Variants in TP53BP1 observed in about 807,000 individuals in gnomAD.
TP53BP1 encodes the protein tumor protein p53 binding protein 1.
A neutral mutation model predicts 200.8 loss-of-function variants in TP53BP1; 61 were observed. The ratio of observed to expected loss-of-function variants is 0.30; its 90% CI spans 0.25 to 0.38. The LOEUF is 0.38. Among genes scored for constraint, TP53BP1 ranks in the 10% least tolerant of loss-of-function variants. TP53BP1 has a pLI of 1.00. For synonymous variants in TP53BP1, 822 were observed against 844.3 expected (o/e 0.97, Z 0.46); for missense variants, 2,144 against 2,371.9 (o/e 0.90, Z 2.00).
rs1178638284 is a variant in TP53BP1 at position 43,455,978 on chromosome 15, G to A, written c.2630C>T (p.Ala877Val). The change falls in exon 12 of 28, where the codon GCA (alanine) becomes GTA (valine). Residue 877 changes from alanine (A) to valine (V), a missense_variant. By Grantham distance (64) the Ala-to-Val change is moderately conservative. This residue lies in a region of TP53BP1 where 1,700 missense variants were observed against 1,710.3 expected (regional missense o/e 0.99). Coordinates refer to ENST00000382044, the MANE Select transcript of TP53BP1 (RefSeq NM_001141980.3). The part of the protein sequence containing the change: ...SLTEDSKMAN[A>V]KQLSSDAEAQ... The stretch of plus-strand genomic sequence containing the variant: ...CTCTGCATCTGAGCTTAGCTGCTTT[G>A]CATTAGCCATTTTTGAGTCTTCTGT... 6.2e-7 allele frequency: 1 copy of A among 1,614,046 alleles called. No individual in the cohort carries two copies. Among genetic ancestry groups the A allele is most frequent in the African/African-American group, 1.3e-5 (1 of 74,932 alleles).
In TP53BP1 at chr15:43,480,673, G is replaced by A. The variant is rs551276058; in HGVS notation, c.499+222C>T. 8.5e-5 allele frequency among the ~76,000 whole-genome samples: 13 copies of A among 152,108 alleles called. No homozygotes were observed. In the East Asian group the frequency reaches 2.5e-3, roughly 29 times the overall value. ...ATTTGAAAAACAAATGAATACAAGA[G>A]GAAGAAAACTCAATATGCAGAAAGG... On this transcript the variant is annotated intron_variant, in intron 5 of 27. Coordinates refer to ENST00000382044, the MANE Select transcript of TP53BP1 (RefSeq NM_001141980.3).
Position 43,408,071 on chromosome 15 carries a change from G to GGAT in TP53BP1, c.5615_5617dup (p.Asn1872_Pro1873insHis), listed in dbSNP as rs1566911167. 6.2e-7 allele frequency: 1 copy of GGAT among 1,613,968 alleles called. No individual in the cohort carries two copies. Among genetic ancestry groups the GGAT allele is most frequent in the Non-Finnish European group, 8.5e-7 (1 of 1,179,936 alleles). On this transcript the variant is annotated inframe_insertion, in exon 27 of 28. Transcript: ENST00000382044. ...CAAGAGTACCTTCAGATTCTGGAAA[G>GGAT]GATTTTCACGGGGTTGCCTATGAAG...
intron 4 of TP53BP1, among the ~76,000 whole-genome samples, chr15:43,482,992 C>T (rs2078996083): frequency 6.6e-6 from 1 of 152,090 alleles, no homozygotes; most frequent in Non-Finnish European, 1.5e-5. Context: ...ATCTTAGATG[C>T]TATCAACCAA....
intron 21 of TP53BP1, among the ~76,000 whole-genome samples, chr15:43,419,937 T>A (rs956063173): frequency 6.6e-6 from 1 of 151,556 alleles, no homozygotes; most frequent in African/African-American, 2.4e-5. Flanking sequence ...AAATAAAGTC[T>A]AAAGTTTTGT....
chr15:43,477,802 A>T (rs771593480), intron 7 of TP53BP1, 43 bp from the exon 8 acceptor site: 1 of 1,407,528 alleles, frequency 7.1e-7, no homozygotes, highest in Non-Finnish European at 9.4e-7. Context: ...CCTAAGTTCA[A>T]ATGTTTTTAA....
In TP53BP1 at chr15:43,408,902, C is replaced by T. The variant is rs2045019652; in HGVS notation, c.5595G>A (p.Leu1865=). ...GATGGGCTTCAAATACTTACCAGTC[C>T]AGAATTCTTTGCTCCTCAAGGCTGT... ...AGYSLEEQRI[L]DWQPRENPFQ... is the part of the protein sequence containing the mutation. The change falls in exon 26 of 28, where the codon CTG becomes CTA. Residue 1865 remains leucine (L), a synonymous_variant. Transcript: ENST00000382044. 2 of 1,614,106 alleles carry T rather than the reference C, an allele frequency of 1.2e-6. No individual in the cohort carries two copies. The highest frequency in any genetic ancestry group is 8.5e-7 in the Non-Finnish European group (1 of 1,179,990).
At chr15:43,442,226 CAGGTG>C in intron 14 of TP53BP1, among the ~76,000 whole-genome samples, 1 of 151,776 alleles carries the variant, frequency 6.6e-6, no homozygotes, top group East Asian at 1.9e-4. Flanking sequence ...GCTGAAACTA[CAGGTG>C]CCCGCCACCA....
intron 10 of TP53BP1, among the ~76,000 whole-genome samples, chr15:43,472,637 A>C (rs2046754189): frequency 6.6e-6 from 1 of 152,246 alleles, no homozygotes; most frequent in Non-Finnish European, 1.5e-5. Flanking sequence ...TAAGGACCAC[A>C]AGAAACAATT....
At chr15:43,459,995 A>G (rs1185838049) in intron 11 of TP53BP1, among the ~76,000 whole-genome samples, 1 of 152,166 alleles carries the variant, frequency 6.6e-6, no homozygotes, top group East Asian at 1.9e-4. Flanking sequence ...GGTTATAAGG[A>G]AACTTTTTAG....
intron 22 of TP53BP1, 48 bp downstream of exon 22, chr15:43,416,177 A>G (rs765793003): frequency 1.5e-5 from 23 of 1,531,454 alleles, no homozygotes; most frequent in Non-Finnish European, 1.9e-5. Flanking sequence ...TCCCACTGTA[A>G]GCAGAACAGG....
chr15:43,427,243 GA>G (rs2045561334), intron 18 of TP53BP1, among the ~76,000 whole-genome samples: 1 of 152,088 alleles, frequency 6.6e-6, no homozygotes, highest in Non-Finnish European at 1.5e-5. Flanking sequence ...AGTCTATAAT[GA>G]ATCCCACTAA....
In TP53BP1 at chr15:43,456,459, A is replaced by G; in HGVS notation, c.2149T>C (p.Cys717Arg). Residue 717 changes from cysteine (C) to arginine (R), a missense_variant, in exon 12 of 28, where the codon TGC (cysteine) becomes CGC (arginine). Coordinates refer to ENST00000382044, the MANE Select transcript of TP53BP1 (RefSeq NM_001141980.3). ...CLQKEMPKKECSEAMEVETSV... is the reference protein window; with the variant it reads ...CLQKEMPKKERSEAMEVETSV... ...GTTTCAACTTCCATAGCTTCTGAGC[A>G]TTCTTTTTTTGGCATTTCCTTTTGA... 1 of 1,568,204 alleles carries G rather than the reference A, an allele frequency of 6.4e-7. No homozygotes were observed. Among genetic ancestry groups the G allele is most frequent in the South Asian group, 1.2e-5 (1 of 81,306 alleles).
intron 8 of TP53BP1, among the ~76,000 whole-genome samples, chr15:43,476,847 A>T (rs889980451): frequency 2.0e-5 from 3 of 152,224 alleles, no homozygotes; most frequent in African/African-American, 7.2e-5. Context: ...GAAACAAATT[A>T]TATCCTTTTA....
chr15:43,499,043 C>A (rs1260582850), intron 1 of TP53BP1, among the ~76,000 whole-genome samples: 1 of 151,558 alleles, frequency 6.6e-6, no homozygotes, highest in African/African-American at 2.4e-5. Flanking sequence ...CAAAACAAAC[C>A]AGTTACTCCT....
At chr15:43,443,665 A>T (rs2045978889) in intron 14 of TP53BP1, among the ~76,000 whole-genome samples, 1 of 152,204 alleles carries the variant, frequency 6.6e-6, no homozygotes, top group Non-Finnish European at 1.5e-5. Context: ...ATTGCACTCC[A>T]GCCTGGGTGA....
rs56866996 is a variant in TP53BP1 at position 43,457,671 on chromosome 15, C to CAAA, written c.1390-456_1390-454dup. Among the ~76,000 whole-genome samples the CAAA allele has an allele frequency of 1.6e-3, 30 of 19,110 alleles. 1 individual carries two copies. Among genetic ancestry groups the CAAA allele is most frequent in the Non-Finnish European group, 2.5e-3 (23 of 9,350 alleles). 12.5% of individuals were successfully genotyped at this position (19,110 alleles called of 152,430 possible). ...TGGGTGACGGAGTGAGACTCCATCT[C>CAAA]AAAAAAAAAAAAAAAAAAAAAAAAA... On this transcript the variant is annotated intron_variant, in intron 11 of 27. Transcript: ENST00000382044.
chr15:43,475,410 AAC>A (rs2078865690), intron 9 of TP53BP1, among the ~76,000 whole-genome samples, 153 bp downstream of exon 9: 1 of 152,258 alleles, frequency 6.6e-6, no homozygotes, highest in Non-Finnish European at 1.5e-5. Flanking sequence ...ATCTGCCTTC[AAC>A]AGTTCTTCAT....
At chr15:43,423,975 G>A (rs1376234121) in intron 18 of TP53BP1, among the ~76,000 whole-genome samples, 3 of 151,738 alleles carry the variant, frequency 2.0e-5, no homozygotes, top group South Asian at 2.1e-4. Flanking sequence ...TCCTTACCTC[G>A]CTACCAAGAA....
intron 12 of TP53BP1, among the ~76,000 whole-genome samples, chr15:43,452,146 A>T (rs529305420): frequency 2.0e-4 from 30 of 152,078 alleles, no homozygotes; most frequent in Non-Finnish European, 2.5e-4. Context: ...AAAAAATAAA[A>T]ATAAAATTAG....
Sources: gnomAD v4.1 joint callset for allele counts (sites outside exome capture counted in the v4.1 genomes callset) on GRCh38, gnomAD v4.1.1 for gene constraint, gnomAD v4.1.1 regional missense constraint, MANE v1.5 for transcripts, NCBI Gene and HGNC (gene_info 2026-07-23, HGNC 2026-07-21) for gene names.